WDR64: variants seen among roughly 807,000 people sequenced by gnomAD.
The protein encoded by WDR64 is WD repeat-containing protein 64.
Under a neutral mutation model 139.3 loss-of-function variants are expected in WDR64, and 112 were observed. That is an observed-to-expected ratio of 0.80 (90% CI 0.69 to 0.94). WDR64 has a LOEUF of 0.94. Ranked by LOEUF, WDR64 falls within the 40% of genes least tolerant of loss-of-function variation. The pLI is 0.00. For missense variants in WDR64, 1,206 were observed against 1,293.1 expected (o/e 0.93, Z 1.03); for synonymous variants, 444 against 437.7 (o/e 1.01, Z -0.18).
intron 2 of WDR64, among the ~76,000 whole-genome samples, chr1:241,669,568 A>C (rs1666146579): frequency 6.6e-6 from 1 of 152,184 alleles, no homozygotes; most frequent in South Asian, 2.1e-4. Flanking sequence ...GGTGGGAAAA[A>C]GGGAAAATAC....
In WDR64 at chr1:241,735,819, TTCTATCTC is replaced by T. The variant is rs1333886817; in HGVS notation, c.1195-2540_1195-2533del. On this transcript the variant is annotated intron_variant, in intron 10 of 27. Transcript: ENST00000437684. ...CACTGCTCCCAGCCTGTCCTTCTCT[TTCTATCTC>T]TCTCTCTCTCTCTCTCTCTCTCTCT... 6.5e-3 allele frequency among the ~76,000 whole-genome samples: 834 copies of T among 129,052 alleles called. 6 individuals are homozygous for T. The highest frequency in any genetic ancestry group is 0.016 in the African/African-American group (539 of 33,172). The allele number at this position is 129,052 out of a possible 152,430, so 84.7% of individuals were successfully genotyped here.
chr1:241,796,745 C>T (rs1293467469), intron 27 of WDR64, among the ~76,000 whole-genome samples: 2 of 152,266 alleles, frequency 1.3e-5, no homozygotes, highest in East Asian at 3.9e-4. Context: ...CCACCCACCT[C>T]GGCCTCCCAA....
At chr1:241,789,018 G>A (rs983321735) in intron 24 of WDR64, among the ~76,000 whole-genome samples, 3 of 152,096 alleles carry the variant, frequency 2.0e-5, no homozygotes, top group African/African-American at 7.2e-5. Context: ...GTTCCTTGAA[G>A]ACCAGGACCT....
chr1:241,654,354 A>C (rs1278344800), intron 1 of WDR64, among the ~76,000 whole-genome samples: 2 of 152,030 alleles, frequency 1.3e-5, no homozygotes, highest in African/African-American at 4.8e-5. Context: ...CTTTCAATCT[A>C]CTCAGGTCTG....
intron 8 of WDR64, among the ~76,000 whole-genome samples, chr1:241,710,866 T>G (rs532523688): frequency 6.6e-6 from 1 of 152,142 alleles, no homozygotes; most frequent in Non-Finnish European, 1.5e-5. Context: ...TGTGATCTAA[T>G]TCATATTTTA....
In WDR64 at chr1:241,801,157, A is replaced by T. The variant is rs1659513687; in HGVS notation, c.3218A>T (p.Lys1073Ile). 1 of 1,613,790 alleles carries T rather than the reference A, an allele frequency of 6.2e-7. No homozygotes were observed. ...GCACCACGAAGAAGAAGTTTGAAAAAAAATTTAGTCCCACAAATAAATCTG... is the reference window on the plus strand; with the variant it reads ...GCACCACGAAGAAGAAGTTTGAAAATAAATTTAGTCCCACAAATAAATCTG... ...EKAPRRRSLK[K>I]NLVPQINLAS... Residue 1073 changes from lysine (K) to isoleucine (I), a missense_variant, in exon 28 of 28, where the codon AAA becomes ATA. Physicochemically the swap from Lys to Ile is moderately radical, Grantham distance 102. Transcript: ENST00000437684.
Position 241,749,693 on chromosome 1 carries a change from G to A in WDR64, c.1741G>A (p.Glu581Lys). The change falls in exon 14 of 28, where the codon GAG (glutamate) becomes AAG (lysine). Residue 581 changes from glutamate (E) to lysine (K), a missense_variant. Transcript: ENST00000437684. Reference sequence around the variant, plus strand: ...ACACCAGCAGCTGGTCCTGGCCTTGGAGCGCAACGGGACTATCAAAATGAT... The same window carrying A: ...ACACCAGCAGCTGGTCCTGGCCTTGAAGCGCAACGGGACTATCAAAATGAT... The part of the protein sequence containing the change: ...EKHQQLVLAL[E>K]RNGTIKMIQG... 1 of 1,614,062 alleles carries A rather than the reference G, an allele frequency of 6.2e-7. No homozygotes were observed. Among genetic ancestry groups the A allele is most frequent in the Non-Finnish European group, 8.5e-7 (1 of 1,179,972 alleles).
At chr1:241,702,513 A>G (rs1261772059) in intron 8 of WDR64, among the ~76,000 whole-genome samples, 1 of 140,534 alleles carries the variant, frequency 7.1e-6, no homozygotes, top group Admixed American at 7.3e-5. Flanking sequence ...TACTGAAAAA[A>G]TTTAAAGGAA....
chr1:241,801,530 C>T lies in WDR64; in HGVS notation c.*315C>T. 2 of 417,020 alleles carry T rather than the reference C, an allele frequency of 4.8e-6. No individual in the cohort carries two copies. The highest frequency in any genetic ancestry group is 3.4e-5 in the East Asian group (1 of 29,646). 25.8% of individuals were successfully genotyped at this position (417,020 alleles called of 1,614,324 possible). A position where few individuals can be genotyped will look rare whatever the true frequency, so the allele number is the denominator to read the frequency against. ...ATGGTTATCAATGTTTAGCTTTCCA[C>T]TTCCTCCCATTGGTCACCTTACTCC... On this transcript the variant is annotated 3_prime_UTR_variant, in exon 28 of 28. Transcript: ENST00000437684.
chr1:241,685,635 C>T (rs746060714), intron 7 of WDR64, among the ~76,000 whole-genome samples: 3 of 151,926 alleles, frequency 2.0e-5, no homozygotes, highest in Non-Finnish European at 2.9e-5. Context: ...ATACTTTATC[C>T]CAGAGTTAGA....
intron 14 of WDR64, among the ~76,000 whole-genome samples, chr1:241,754,817 G>A (rs972859653): frequency 5.3e-5 from 8 of 152,014 alleles, no homozygotes; most frequent in Non-Finnish European, 7.4e-5. Context: ...GGGAACATGC[G>A]GTGTTTGGTT....
In WDR64 at chr1:241,723,441, CA is replaced by C. The variant is rs761849898; in HGVS notation, c.1194+10del. 1.9e-6 allele frequency: 3 copies of C among 1,611,116 alleles called. No homozygotes were observed. Among genetic ancestry groups the C allele is most frequent in the Non-Finnish European group, 2.5e-6 (3 of 1,178,586 alleles). On this transcript the variant is annotated splice_donor_region_variant and intron_variant, in intron 10 of 27. Transcript: ENST00000437684. ...GTCAGCCTTTCCTCTGCAAAGGTAA[CA>C]AAAAGAAAATAACAAAACAAAACTA...
At position 241,656,721 on chromosome 1, in the gene WDR64, T is replaced by C. The variant is rs1321326673; in HGVS notation, c.146-3809T>C. Among the ~76,000 whole-genome samples, 4 of 152,080 alleles carry C rather than the reference T, an allele frequency of 2.6e-5. No homozygotes were observed. The highest frequency in any genetic ancestry group is 5.9e-5 in the Non-Finnish European group (4 of 68,024). On this transcript the variant is annotated intron_variant, in intron 1 of 27. Coordinates refer to ENST00000437684, the MANE Select transcript of WDR64 (RefSeq NM_001367482.1). The surrounding 1 kb of genome is among the most constrained non-coding windows in gnomAD (Gnocchi z 4.3). ...GGCTAAATAATTATTTGTATATGTG[T>C]GCGTGTGTGGAGTTGGGGGCCTAGG...
At chr1:241,730,960 C>T (rs1230602937) in intron 10 of WDR64, among the ~76,000 whole-genome samples, 1 of 152,084 alleles carries the variant, frequency 6.6e-6, no homozygotes, top group Non-Finnish European at 1.5e-5. Flanking sequence ...TCTCAAAAGG[C>T]AAGGTTGATC....
At chr1:241,764,341 C>T (rs1170602408) in intron 15 of WDR64, among the ~76,000 whole-genome samples, 2 of 152,084 alleles carry the variant, frequency 1.3e-5, no homozygotes, top group Non-Finnish European at 2.9e-5. Context: ...CAACAGGCTA[C>T]TTCCTGTTTT....
chr1:241,718,613 C>A (rs1198761415), intron 9 of WDR64, among the ~76,000 whole-genome samples: 1 of 152,034 alleles, frequency 6.6e-6, no homozygotes, highest in Non-Finnish European at 1.5e-5. Flanking sequence ...GAAAATATTC[C>A]ATTTCCTCAT....
At chr1:241,772,724 A>G in intron 19 of WDR64, 68 bp from the exon 20 acceptor site, 1 of 1,496,144 alleles carries the variant, frequency 6.7e-7, no homozygotes, top group Non-Finnish European at 9.0e-7. Flanking sequence ...TGGCCTCCCA[A>G]AGTGCTGGGA....
chr1:241,791,316 TC>T (rs1659209131), intron 25 of WDR64, among the ~76,000 whole-genome samples: 1 of 151,890 alleles, frequency 6.6e-6, no homozygotes, highest in South Asian at 2.1e-4. Flanking sequence ...CAGAAATTTG[TC>T]CCCTCTCTGA....
intron 10 of WDR64, among the ~76,000 whole-genome samples, chr1:241,728,350 A>AG (rs1172162174): frequency 6.7e-6 from 1 of 148,718 alleles, no homozygotes; most frequent in Non-Finnish European, 1.5e-5. Flanking sequence ...AAGAAGAAGA[A>AG]AAAAAAAGCA....
Sources: gnomAD v4.1 joint callset for allele counts (sites outside exome capture counted in the v4.1 genomes callset) on GRCh38, gnomAD v4.1.1 for gene constraint, Gnocchi (gnomAD v3.1) non-coding constraint, MANE v1.5 for transcripts, NCBI Gene and HGNC (gene_info 2026-07-23, HGNC 2026-07-21) for gene names.